Variants in UGT1A6 observed in about 807,000 individuals in gnomAD.
UGT1A6 encodes UDP-glucuronosyltransferase 1A6.
In UGT1A6, 32 loss-of-function variants were observed where a neutral mutation model predicts 44.4. The ratio of observed to expected loss-of-function variants is 0.72; its 90% CI spans 0.54 to 0.97. The LOEUF (loss-of-function observed/expected upper bound fraction) is 0.97, where lower values mean the gene tolerates loss of function less well. Among genes scored for constraint, UGT1A6 ranks in the 50% least tolerant of loss-of-function variants. UGT1A6 has a pLI of 0.00. For synonymous variants in UGT1A6, 238 were observed against 248.5 expected, an observed-to-expected ratio of 0.96 and a Z score of 0.40; for missense variants, 685 against 661.9, an observed-to-expected ratio of 1.03 and a Z score of -0.38.
chr2:233,737,494 C>G (rs1180844627), intron 1 of UGT1A6, among the ~76,000 whole-genome samples: 1 of 152,208 alleles, frequency 6.6e-6, no homozygotes, highest in Admixed American at 6.5e-5. Context: ...AGGGAAATCC[C>G]TCACCCTCTT....
intron 1 of UGT1A6, among the ~76,000 whole-genome samples, chr2:233,764,955 T>G (rs891211439): frequency 6.6e-6 from 1 of 151,792 alleles, no homozygotes; most frequent in Non-Finnish European, 1.5e-5. Flanking sequence ...GAGAGAGGGC[T>G]CACCTTGGGA....
At chr2:233,734,582 T>C (rs1259652945) in intron 1 of UGT1A6, among the ~76,000 whole-genome samples, 1 of 152,210 alleles carries the variant, frequency 6.6e-6, no homozygotes, top group African/African-American at 2.4e-5. Context: ...CTCTTGCTTA[T>C]CTAGTTCTTT....
At chr2:233,704,256 C>CTT (rs59925871) in intron 1 of UGT1A6, among the ~76,000 whole-genome samples, 8,556 of 123,528 alleles carry the variant, frequency 0.069, 479 homozygotes, top group African/African-American at 0.11. Context: ...GCCTTTATTG[C>CTT]TTTTTTTTTT....
Position 233,768,420 on chromosome 2 carries a change from G to A in UGT1A6, c.1282G>A (p.Ala428Thr). 6.2e-7 allele frequency: 1 copy of A among 1,614,048 alleles called. No homozygotes were observed. Among genetic ancestry groups the A allele is most frequent in the South Asian group, 1.1e-5 (1 of 91,078 alleles). Residue 428 changes from alanine (A) to threonine (T), a missense_variant, in exon 4 of 5, where the codon GCA becomes ACA. By Grantham distance (58) the Ala-to-Thr change is moderately conservative (BLOSUM62 0). Transcript: ENST00000305139. Reference protein sequence around the residue: ...TSEDLENALKAVINDKSYKEN... With the variant: ...TSEDLENALKTVINDKSYKEN... ...TGAAGATTTAGAAAATGCTCTAAAAGCAGTCATCAATGACAAAAGGTAAGA... is the reference window on the plus strand; with the variant it reads ...TGAAGATTTAGAAAATGCTCTAAAAACAGTCATCAATGACAAAAGGTAAGA...
At chr2:233,704,223 G>A (rs2075773565) in intron 1 of UGT1A6, among the ~76,000 whole-genome samples, 1 of 133,698 alleles carries the variant, frequency 7.5e-6, no homozygotes, top group African/African-American at 2.9e-5. Flanking sequence ...TATCTCTCAT[G>A]TATTTATTTG....
intron 1 of UGT1A6, chr2:233,748,105 C>A: frequency 6.2e-7 from 1 of 1,612,580 alleles, no homozygotes; most frequent in Admixed American, 1.7e-5. Context: ...TTCATCCAAT[C>A]AATGTTCCAG....
chr2:233,718,041 G>C, intron 1 of UGT1A6: 1 of 376,232 alleles, frequency 2.7e-6, no homozygotes, highest in South Asian at 2.0e-5. Flanking sequence ...TGGTGAGCAG[G>C]AGCTCCCTGA....
At chr2:233,720,517 A>G (rs556440432) in intron 1 of UGT1A6, among the ~76,000 whole-genome samples, 3 of 152,226 alleles carry the variant, frequency 2.0e-5, no homozygotes, top group East Asian at 1.9e-4. Context: ...GAAGCTGATC[A>G]TATCACCAAA....
At chr2:233,726,798 G>T (rs548256451) in intron 1 of UGT1A6, among the ~76,000 whole-genome samples, 1 of 152,228 alleles carries the variant, frequency 6.6e-6, no homozygotes, top group South Asian at 2.1e-4. Context: ...CTTATTCAAG[G>T]CTTGGAGGTT....
At chr2:233,755,246 C>T (rs1229068281) in intron 1 of UGT1A6, 3 of 850,962 alleles carry the variant, frequency 3.5e-6, no homozygotes, top group Non-Finnish European at 5.3e-6. Flanking sequence ...GGGGTACTCC[C>T]AGCACCTCGT....
intron 1 of UGT1A6, among the ~76,000 whole-genome samples, chr2:233,751,173 T>C (rs1694658856): frequency 6.6e-6 from 1 of 151,974 alleles, no homozygotes; most frequent in Non-Finnish European, 1.5e-5. Context: ...GACCTAGATA[T>C]GAGACATGAA....
intron 1 of UGT1A6, chr2:233,722,122 T>A (rs1395891774): frequency 5.5e-6 from 1 of 183,338 alleles, no homozygotes; most frequent in African/African-American, 2.3e-5. Context: ...ATCATCATCA[T>A]TAGTAGAGTT....
At chr2:233,755,333 G>T (rs878855763) in intron 1 of UGT1A6, 4 of 455,148 alleles carry the variant, frequency 8.8e-6, no homozygotes, top group Admixed American at 7.1e-5. Context: ...CAGCACCCGC[G>T]CACAGGTCAG....
At chr2:233,747,631 A>C in intron 1 of UGT1A6, 1 of 1,579,028 alleles carries the variant, frequency 6.3e-7, no homozygotes, top group Non-Finnish European at 8.7e-7. Context: ...CTGATCAGGC[A>C]CCTGAATGCT....
intron 1 of UGT1A6, chr2:233,713,255 A>G (rs1242833896): frequency 6.2e-7 from 1 of 1,614,152 alleles, no homozygotes; most frequent in Admixed American, 1.7e-5. Flanking sequence ...CCCAGGACGA[A>G]TTTGATCGCC....
intron 1 of UGT1A6, chr2:233,718,897 C>G (rs1667541971): frequency 8.1e-6 from 13 of 1,614,042 alleles, no homozygotes; most frequent in Non-Finnish European, 1.1e-5. Context: ...CAGCCCTGGG[C>G]TGAGAGTGGA....
intron 1 of UGT1A6, chr2:233,756,428 T>G (rs1464459350): frequency 6.6e-6 from 1 of 152,242 alleles, no homozygotes; most frequent in Non-Finnish European, 1.5e-5. Flanking sequence ...TACTGTTTTT[T>G]TTTCATTGTT....
chr2:233,766,981 G>A, intron 1 of UGT1A6, 53 bp from the exon 2 acceptor site: 1 of 1,612,648 alleles, frequency 6.2e-7, no homozygotes, highest in Non-Finnish European at 8.5e-7. Flanking sequence ...ACTGTATGTA[G>A]TCATCAAAGA....
intron 1 of UGT1A6, chr2:233,721,756 A>G (rs2076969655): frequency 2.2e-6 from 1 of 460,672 alleles, no homozygotes. Flanking sequence ...ATCTACATCT[A>G]AATTGTTATA....
Sources: allele counts gnomAD v4.1 joint callset (sites outside exome capture counted in the v4.1 genomes callset), GRCh38; gene constraint gnomAD v4.1.1; transcripts MANE v1.5; gene names NCBI Gene and HGNC (gene_info 2026-07-23, HGNC 2026-07-21).